ZNF385D: variants seen among roughly 807,000 people sequenced by gnomAD.
The protein encoded by ZNF385D is zinc finger protein 659.
In ZNF385D, 15 loss-of-function variants were observed where a neutral mutation model predicts 35.8. The observed-to-expected ratio is 0.42, with a 90% CI of 0.28 to 0.64. The LOEUF (loss-of-function observed/expected upper bound fraction) is 0.64. ZNF385D is among the 30% of genes least tolerant of loss of function. The pLI, the probability that ZNF385D is intolerant of heterozygous loss-of-function variation, is 0.23. For missense variants in ZNF385D, 474 were observed against 494.6 expected (o/e 0.96, Z 0.39); for synonymous variants, 212 against 186.8 (o/e 1.13, Z -1.10).
intron 3 of ZNF385D, among the ~76,000 whole-genome samples, chr3:21,848,644 A>C (rs944533273): frequency 6.6e-6 from 1 of 152,022 alleles, no homozygotes; most frequent in Admixed American, 6.6e-5. Flanking sequence ...AAAAGAAATA[A>C]ACAAATTCCT....
At chr3:22,305,363 T>C (rs1299553516) in intron 2 of ZNF385D, among the ~76,000 whole-genome samples, 1 of 152,216 alleles carries the variant, frequency 6.6e-6, no homozygotes, top group African/African-American at 2.4e-5. Context: ...GCATGAATAC[T>C]AGACTTAATA....
chr3:21,632,915 C>T (rs1182289993), intron 2 of ZNF385D, among the ~76,000 whole-genome samples: 2 of 152,030 alleles, frequency 1.3e-5, no homozygotes, highest in Non-Finnish European at 2.9e-5. Context: ...TGCATTCTAT[C>T]TATTTTATTT....
chr3:22,160,564 A>C (rs752676344), intron 3 of ZNF385D, among the ~76,000 whole-genome samples: 2 of 152,126 alleles, frequency 1.3e-5, no homozygotes, highest in Non-Finnish European at 2.9e-5. Flanking sequence ...CAATCAATGG[A>C]AAGAAAAAAG....
intron 2 of ZNF385D, among the ~76,000 whole-genome samples, chr3:22,321,023 T>A (rs1026392713): frequency 6.6e-6 from 1 of 151,968 alleles, no homozygotes; most frequent in African/African-American, 2.4e-5. Flanking sequence ...AATCCTGTTA[T>A]ATGATTTGAT....
At chr3:22,281,141 T>A (rs1422454012) in intron 2 of ZNF385D, among the ~76,000 whole-genome samples, 3 of 151,930 alleles carry the variant, frequency 2.0e-5, no homozygotes, top group Non-Finnish European at 4.4e-5. Flanking sequence ...TTAGGATGAG[T>A]CTTTAGGGTT....
At chr3:22,097,908 T>C (rs893576117) in intron 3 of ZNF385D, among the ~76,000 whole-genome samples, 1 of 152,014 alleles carries the variant, frequency 6.6e-6, no homozygotes. Flanking sequence ...CATAAGAACC[T>C]AGAGACAGTG....
chr3:21,711,760 A>C (rs2068118394), intron 1 of ZNF385D, among the ~76,000 whole-genome samples: 1 of 152,248 alleles, frequency 6.6e-6, no homozygotes, highest in Non-Finnish European at 1.5e-5. Context: ...TCTAATGCTA[A>C]GCCCTATTTC....
intron 3 of ZNF385D, among the ~76,000 whole-genome samples, chr3:21,880,673 C>T (rs543490679): frequency 6.6e-6 from 1 of 151,904 alleles, no homozygotes; most frequent in Non-Finnish European, 1.5e-5. Context: ...ACATTTCTCA[C>T]GTTAAGTCAA....
intron 2 of ZNF385D, among the ~76,000 whole-genome samples, chr3:22,214,798 T>G (rs2125268369): frequency 6.6e-6 from 1 of 152,164 alleles, no homozygotes; most frequent in East Asian, 1.9e-4. Flanking sequence ...TGCCCAAAAC[T>G]TCATTAGCAA....
intron 3 of ZNF385D, among the ~76,000 whole-genome samples, chr3:22,146,528 T>C (rs1286127321): frequency 6.6e-6 from 1 of 152,194 alleles, no homozygotes; most frequent in Non-Finnish European, 1.5e-5. Context: ...CCATGTATTA[T>C]TATAATTTAC....
intron 3 of ZNF385D, among the ~76,000 whole-genome samples, chr3:22,073,655 G>A (rs1467408618): frequency 6.6e-6 from 1 of 151,812 alleles, no homozygotes; most frequent in African/African-American, 2.4e-5. Context: ...GTCTGTAACA[G>A]GAGCATAGTA....
chr3:21,532,916 A>G (rs1387714298), intron 3 of ZNF385D, among the ~76,000 whole-genome samples: 2 of 152,176 alleles, frequency 1.3e-5, no homozygotes, highest in African/African-American at 4.8e-5. Flanking sequence ...GGCACTCCAA[A>G]ATATCACTTG....
chr3:22,048,466 T>C (rs1021851873), intron 3 of ZNF385D, among the ~76,000 whole-genome samples: 3 of 152,180 alleles, frequency 2.0e-5, no homozygotes, highest in Non-Finnish European at 2.9e-5. Context: ...TGCATGTGAA[T>C]GTCAAGTTTT....
intron 2 of ZNF385D, among the ~76,000 whole-genome samples, chr3:22,308,630 A>C (rs1703366698): frequency 2.0e-5 from 3 of 152,196 alleles, no homozygotes; most frequent in East Asian, 1.9e-4. Flanking sequence ...CAGAGGCGGC[A>C]TGAAAAAAGA....
At chr3:21,511,588 G>A (rs181583612) in intron 3 of ZNF385D, 26 of 423,280 alleles carry the variant, frequency 6.1e-5, no homozygotes, top group African/African-American at 1.0e-4. Flanking sequence ...CACAGAAGCC[G>A]GGCAATTTCA....
At chr3:21,745,476 G>T (rs781714633) in intron 1 of ZNF385D, among the ~76,000 whole-genome samples, 1 of 152,100 alleles carries the variant, frequency 6.6e-6, no homozygotes, top group Admixed American at 6.5e-5. Context: ...CGATTTTAAC[G>T]CTGCGACAGA....
intron 2 of ZNF385D, among the ~76,000 whole-genome samples, chr3:22,356,030 G>A (rs1419799345): frequency 2.6e-5 from 4 of 151,956 alleles, no homozygotes; most frequent in Admixed American, 6.6e-5. Context: ...GATCCAGCAT[G>A]TAAAAAACCT....
At chr3:21,957,684 C>A (rs542699855) in intron 3 of ZNF385D, among the ~76,000 whole-genome samples, 1 of 152,212 alleles carries the variant, frequency 6.6e-6, no homozygotes. Flanking sequence ...CCCAGCATAA[C>A]CATCTGCCCC....
chr3:22,037,971 A>C (rs910553322), intron 3 of ZNF385D, among the ~76,000 whole-genome samples: 7 of 152,152 alleles, frequency 4.6e-5, no homozygotes, highest in African/African-American at 1.2e-4. Flanking sequence ...AAAACAAGAA[A>C]TGGGGAAAGG....
Sources: allele counts gnomAD v4.1 joint callset (sites outside exome capture counted in the v4.1 genomes callset), GRCh38; gene constraint gnomAD v4.1.1; transcripts MANE v1.5; gene names NCBI Gene and HGNC (gene_info 2026-07-23, HGNC 2026-07-21).